Variants in PDE9A observed in about 807,000 individuals in gnomAD.
The protein encoded by PDE9A is high affinity cGMP-specific 3',5'-cyclic phosphodiesterase 9A.
PDE9A carries 60 observed loss-of-function variants against 87.4 expected under a neutral mutation model. The observed-to-expected ratio is 0.69, with a 90% CI of 0.56 to 0.85. The LOEUF is 0.85. PDE9A is among the 40% of genes least tolerant of loss of function. The pLI is 0.00. For missense variants in PDE9A, 665 were observed against 779.0 expected, an observed-to-expected ratio of 0.85 and a Z score of 1.74; for synonymous variants, 272 against 279.4, an observed-to-expected ratio of 0.97 and a Z score of 0.27.
In PDE9A at chr21:42,695,509, C is replaced by T. The variant is rs982324888; in HGVS notation, c.219-3459C>T. Among the ~76,000 whole-genome samples the T allele has an allele frequency of 6.6e-6, 1 of 152,316 alleles. No homozygotes were observed. Among genetic ancestry groups the T allele is most frequent in the Non-Finnish European group, 1.5e-5 (1 of 68,030 alleles). ...CAGAGGGGAGAGGGCCAGAGGACGG[C>T]GCCGTGCGACACACACCATTGCTCC... On this transcript the variant is annotated intron_variant, in intron 3 of 19. Coordinates refer to ENST00000291539, the MANE Select transcript of PDE9A (RefSeq NM_002606.3). The surrounding 1 kb of genome is among the most constrained non-coding windows in gnomAD (Gnocchi z 4.3).
At chr21:42,686,107 A>G (rs2059447587) in intron 1 of PDE9A, 85 bp from the exon 2 acceptor site, 4 of 934,620 alleles carry the variant, frequency 4.3e-6, no homozygotes, top group Non-Finnish European at 7.0e-6. Flanking sequence ...TTCAGTTTGG[A>G]GCCGAAGCGG....
In PDE9A at chr21:42,696,458, A is replaced by G. The variant is rs2060143894; in HGVS notation, c.219-2510A>G. ...CTGCTCCTCAGAGAAGACACAGGAGAAGAAAGTCGGAGAGGAGTGGGGAGC... is the reference window on the plus strand; with the variant it reads ...CTGCTCCTCAGAGAAGACACAGGAGGAGAAAGTCGGAGAGGAGTGGGGAGC... On this transcript the variant is annotated intron_variant, in intron 3 of 19. Transcript: ENST00000291539. This position sits in a 1 kb window ranked among gnomAD's most constrained non-coding sequence, Gnocchi z 5.1. Among the ~76,000 whole-genome samples, 2 of 152,188 alleles carry G rather than the reference A, an allele frequency of 1.3e-5. No homozygotes were observed. Among genetic ancestry groups the G allele is most frequent in the Non-Finnish European group, 2.9e-5 (2 of 68,028 alleles).
chr21:42,775,350 C>A lies in PDE9A; in HGVS notation c.*57C>A. 6.4e-7 allele frequency: 1 copy of A among 1,574,628 alleles called. No individual in the cohort carries two copies. The highest frequency in any genetic ancestry group is 1.1e-5 in the South Asian group (1 of 86,972). Reference sequence around the variant, plus strand: ...CGGGCTGGCCGAGCTGCGCGGGATCCTTGTGCAGGGAAGAGCTGCCCTGGG... The same window carrying A: ...CGGGCTGGCCGAGCTGCGCGGGATCATTGTGCAGGGAAGAGCTGCCCTGGG... On this transcript the variant is annotated 3_prime_UTR_variant, in exon 20 of 20. Transcript: ENST00000291539.
intron 1 of PDE9A, among the ~76,000 whole-genome samples, chr21:42,657,164 T>C (rs1009439511): frequency 6.6e-6 from 1 of 152,170 alleles, no homozygotes; most frequent in African/African-American, 2.4e-5. Context: ...GCAGAACTGG[T>C]AGCCATGAGG....
At chr21:42,730,181 C>T (rs1328714850) in intron 4 of PDE9A, among the ~76,000 whole-genome samples, 1 of 152,208 alleles carries the variant, frequency 6.6e-6, no homozygotes, top group Non-Finnish European at 1.5e-5. Flanking sequence ...GCCATCTTCC[C>T]CCACTAGTAG....
intron 4 of PDE9A, among the ~76,000 whole-genome samples, chr21:42,724,954 C>T (rs1172456891): frequency 6.6e-6 from 1 of 152,220 alleles, no homozygotes; most frequent in Non-Finnish European, 1.5e-5. Flanking sequence ...TCCATTCTGT[C>T]TATACATTTC....
chr21:42,663,386 T>C (rs1014479141), intron 1 of PDE9A, among the ~76,000 whole-genome samples: 1 of 152,038 alleles, frequency 6.6e-6, no homozygotes, highest in Non-Finnish European at 1.5e-5. Flanking sequence ...GCAGAGCCCC[T>C]GGGGGTTTCA....
intron 15 of PDE9A, 141 bp from the exon 16 acceptor site, chr21:42,768,047 C>T: frequency 1.6e-6 from 1 of 634,638 alleles, no homozygotes; most frequent in South Asian, 1.8e-5. Flanking sequence ...CCTGTCCTCC[C>T]TGAAGGCAGC....
intron 8 of PDE9A, among the ~76,000 whole-genome samples, chr21:42,745,253 G>A (rs1251424993): frequency 1.3e-5 from 2 of 152,194 alleles, no homozygotes; most frequent in East Asian, 1.9e-4. Flanking sequence ...GAGGAAGGCC[G>A]AGCGGAAGGA....
rs190097472 is a variant in PDE9A, at chr21:42,711,375, C to T, written c.262+12364C>T. ...AAGTGATTCTCCTGCCTCAGGCTCC[C>T]GAGTAACTAGGATTACAGGCGTTTG... On this transcript the variant is annotated intron_variant, in intron 4 of 19. Transcript: ENST00000291539. Among the ~76,000 whole-genome samples, 286 of 151,934 alleles carry T rather than the reference C, an allele frequency of 1.9e-3. 1 individual carries two copies. The highest frequency in any genetic ancestry group is 6.1e-3 in the African/African-American group (251 of 41,430).
chr21:42,746,359 A>AC (rs933634254), intron 8 of PDE9A, among the ~76,000 whole-genome samples: 2 of 152,220 alleles, frequency 1.3e-5, no homozygotes, highest in Non-Finnish European at 2.9e-5. Flanking sequence ...TCTGGAGGCC[A>AC]CAAGTCCAAA....
chr21:42,674,412 C>T (rs1489969393), intron 1 of PDE9A, among the ~76,000 whole-genome samples: 3 of 151,184 alleles, frequency 2.0e-5, no homozygotes, highest in Non-Finnish European at 4.4e-5. Flanking sequence ...GAGTCCTGGC[C>T]CTTGGGGAGT....
In PDE9A at chr21:42,689,906, C is replaced by T. The variant is rs55687731; in HGVS notation, c.218+1912C>T. ...AGACACACGCAGTTGAGGATACAGG[C>T]GAAGAAGATGGAGACACACGCGGAT... On this transcript the variant is annotated intron_variant, in intron 3 of 19. Transcript: ENST00000291539. The T allele has an allele frequency of 4.9e-5, 45 of 916,408 alleles. No individual in the cohort carries two copies. The Middle Eastern group carries it at 1.8e-3, about 36-fold the overall frequency. The allele number at this position is 916,408 out of a possible 1,614,324, so 56.8% of individuals were successfully genotyped here.
At chr21:42,747,824 A>G (rs1370737751) in intron 8 of PDE9A, among the ~76,000 whole-genome samples, 2 of 152,214 alleles carry the variant, frequency 1.3e-5, no homozygotes, top group Non-Finnish European at 2.9e-5. Context: ...GTTCATCCCA[A>G]ACAAATGGCC....
chr21:42,760,373 C>T lies in PDE9A; in HGVS notation c.943C>T (p.Arg315Trp), dbSNP rs1256612962. 4 of 1,610,360 alleles carry T rather than the reference C, an allele frequency of 2.5e-6. No individual in the cohort carries two copies. Among genetic ancestry groups the T allele is most frequent in the Admixed American group, 1.7e-5 (1 of 60,002 alleles). Reference protein sequence around the residue: ...NYRNNPFHNFRHCFCVAQMMY... With the variant: ...NYRNNPFHNFWHCFCVAQMMY... Reference sequence around the variant, plus strand: ...CAGAAACAACCCCTTCCACAACTTCCGGCACTGCTTCTGCGTGGCCCAGAT... The same window carrying T: ...CAGAAACAACCCCTTCCACAACTTCTGGCACTGCTTCTGCGTGGCCCAGAT... The change falls in exon 12 of 20, where the codon CGG becomes TGG. Residue 315 changes from arginine (R) to tryptophan (W), a missense_variant. Arg to Trp is a moderately radical substitution (Grantham distance 101). Coordinates refer to ENST00000291539, the MANE Select transcript of PDE9A (RefSeq NM_002606.3). This position sits in a 1 kb window ranked among gnomAD's most constrained non-coding sequence, Gnocchi z 5.2.
intron 1 of PDE9A, among the ~76,000 whole-genome samples, chr21:42,680,122 T>G (rs2059086665): frequency 6.6e-6 from 1 of 152,180 alleles, no homozygotes; most frequent in Non-Finnish European, 1.5e-5. Context: ...GCCCCCGGGC[T>G]CAGGGCCCCT....
chr21:42,768,601 G>T, intron 16 of PDE9A: 1 of 985,482 alleles, frequency 1.0e-6, no homozygotes, highest in Non-Finnish European at 1.2e-6. Flanking sequence ...AAGGACTGCA[G>T]AAGCAGGAGG....
intron 19 of PDE9A, among the ~76,000 whole-genome samples, chr21:42,774,873 C>G (rs1181690228): frequency 8.8e-6 from 1 of 114,258 alleles, no homozygotes; most frequent in Non-Finnish European, 1.9e-5. Context: ...CAGAGCAAGA[C>G]TCCATCTCAA....
chr21:42,706,021 G>A (rs1393668191), intron 4 of PDE9A, among the ~76,000 whole-genome samples: 4 of 152,214 alleles, frequency 2.6e-5, no homozygotes, highest in African/African-American at 9.6e-5. Flanking sequence ...CGCAGAGTGC[G>A]TGCTTGAGCT....
Sources: gnomAD v4.1 joint callset for allele counts (sites outside exome capture counted in the v4.1 genomes callset) on GRCh38, gnomAD v4.1.1 for gene constraint, Gnocchi (gnomAD v3.1) non-coding constraint, MANE v1.5 for transcripts, NCBI Gene and HGNC (gene_info 2026-07-23, HGNC 2026-07-21) for gene names.